The following LGSN variants were observed in gnomAD, a reference collection of about 807,000 sequenced individuals.
The protein encoded by LGSN is lengsin, lens protein with glutamine synthetase domain, also known as lengsin.
Under a neutral mutation model 19.5 loss-of-function variants are expected in LGSN, and 21 were observed. The observed-to-expected ratio is 1.07, with a 90% CI of 0.76 to 1.55. The LOEUF (loss-of-function observed/expected upper bound fraction) is 1.55. LGSN is among the 40% of genes most tolerant of loss of function. The probability of loss-of-function intolerance (pLI) is 0.00; values close to 1 mark genes in which losing one functional copy is unlikely to be tolerated. For missense variants in LGSN, 673 were observed against 608.5 expected (o/e 1.11, Z -1.12); for synonymous variants, 257 against 215.6 (o/e 1.19, Z -1.68).
At chr6:63,478,639 T>C in the LGSN span, among the ~76,000 whole-genome samples, 1 of 152,210 alleles carries the variant, frequency 6.6e-6, no homozygotes, top group South Asian at 2.1e-4. Context: ...ACCACCCCCA[T>C]GTACGGCTCA....
At chr6:63,394,136 C>T in the LGSN span, among the ~76,000 whole-genome samples, 4 of 152,026 alleles carry the variant, frequency 2.6e-5, no homozygotes, top group South Asian at 2.1e-4. Context: ...GCGTGGTGGG[C>T]GACTGTAATC....
At chr6:63,556,394 T>G in the LGSN span, among the ~76,000 whole-genome samples, 4 of 152,088 alleles carry the variant, frequency 2.6e-5, no homozygotes, top group Non-Finnish European at 5.9e-5. Flanking sequence ...TTGCCCAGGC[T>G]GGTCTCAAGC....
the LGSN span, chr6:63,521,895 A>T: frequency 6.6e-6 from 1 of 152,226 alleles, no homozygotes; most frequent in Non-Finnish European, 1.5e-5. Flanking sequence ...AACAATGGGA[A>T]TCTTATAAAA....
At chr6:63,488,960 G>C in the LGSN span, among the ~76,000 whole-genome samples, 1 of 152,014 alleles carries the variant, frequency 6.6e-6, no homozygotes, top group Non-Finnish European at 1.5e-5. Context: ...TTTCTGGAAA[G>C]TCACTTGAAA....
At position 63,319,965 on chromosome 6, in the gene LGSN, C is replaced by T. The variant is rs1228689744; in HGVS notation, c.-22G>A. ...TCATCTCAACACTTTTTAAGTTCAG[C>T]GTTAGAAACCACAATATCCTCAACA... is the stretch of plus-strand genomic sequence containing the variant. On this transcript the variant is annotated 5_prime_UTR_variant, in exon 1 of 4. Transcript: ENST00000370657. 10 of 1,588,118 alleles carry T rather than the reference C, an allele frequency of 6.3e-6. No individual in the cohort carries two copies. Among genetic ancestry groups the T allele is most frequent in the Middle Eastern group, 3.3e-4 (2 of 6,008 alleles).
At chr6:63,284,712 T>C (rs1399075677) in intron 3 of LGSN, among the ~76,000 whole-genome samples, 1 of 152,204 alleles carries the variant, frequency 6.6e-6, no homozygotes, top group Non-Finnish European at 1.5e-5. Context: ...ACAACATGTA[T>C]TCTTGCCTGA....
chr6:63,294,723 G>C (rs1197011422), intron 2 of LGSN, among the ~76,000 whole-genome samples, 190 bp downstream of exon 2: 2 of 150,362 alleles, frequency 1.3e-5, no homozygotes, highest in African/African-American at 4.9e-5. Flanking sequence ...TAAATATTTT[G>C]ATTGGTTATT....
the LGSN span, among the ~76,000 whole-genome samples, chr6:63,473,197 G>A: frequency 2.6e-5 from 4 of 151,986 alleles, no homozygotes; most frequent in South Asian, 4.2e-4. Flanking sequence ...AGTAGGCCAG[G>A]CGCAGTGGCT....
the LGSN span, among the ~76,000 whole-genome samples, chr6:63,433,526 T>A: frequency 6.6e-6 from 1 of 152,306 alleles, no homozygotes; most frequent in South Asian, 2.1e-4. Flanking sequence ...ATCTTTCTCA[T>A]TGAATATCTG....
chr6:63,519,095 G>A, the LGSN span, among the ~76,000 whole-genome samples: 47 of 152,234 alleles, frequency 3.1e-4, no homozygotes, highest in African/African-American at 1.1e-3. Flanking sequence ...CGGGCAGATC[G>A]CCTGAAGTTC....
At chr6:63,291,642 T>G (rs1011368800) in intron 2 of LGSN, among the ~76,000 whole-genome samples, 1 of 152,138 alleles carries the variant, frequency 6.6e-6, no homozygotes, top group South Asian at 2.1e-4. Flanking sequence ...AGGCAACATT[T>G]TGGAACAAAA....
At chr6:63,458,146 C>G in the LGSN span, among the ~76,000 whole-genome samples, 1 of 152,104 alleles carries the variant, frequency 6.6e-6, no homozygotes, top group African/African-American at 2.4e-5. Context: ...CAGCTCACTG[C>G]AGCCTCCACC....
chr6:63,345,278 C>T, the LGSN span, among the ~76,000 whole-genome samples: 2 of 151,924 alleles, frequency 1.3e-5, no homozygotes, highest in Non-Finnish European at 2.9e-5. Context: ...TTTTTTATTT[C>T]TTCTCTTTTA....
chr6:63,564,347 G>A, the LGSN span, among the ~76,000 whole-genome samples: 1 of 151,758 alleles, frequency 6.6e-6, no homozygotes, highest in South Asian at 2.1e-4. Context: ...GTATCTTCCA[G>A]CCATGAATGG....
At chr6:63,529,129 ATGTG>A in the LGSN span, among the ~76,000 whole-genome samples, 2 of 136,228 alleles carry the variant, frequency 1.5e-5, no homozygotes, top group Non-Finnish European at 3.1e-5. Flanking sequence ...ATGTATATAT[ATGTG>A]TGTGTATATA....
the LGSN span, among the ~76,000 whole-genome samples, chr6:63,341,512 G>C: frequency 6.6e-6 from 1 of 152,160 alleles, no homozygotes; most frequent in Non-Finnish European, 1.5e-5. Flanking sequence ...GCCCCAGGAA[G>C]GTAGCTCCCA....
chr6:63,552,249 A>G, the LGSN span, among the ~76,000 whole-genome samples: 2 of 152,076 alleles, frequency 1.3e-5, no homozygotes, highest in South Asian at 4.1e-4. Flanking sequence ...ATGGTATCTC[A>G]TTGTGGTTTT....
the LGSN span, among the ~76,000 whole-genome samples, chr6:63,512,017 G>A: frequency 2.0e-5 from 3 of 152,058 alleles, no homozygotes; most frequent in Non-Finnish European, 4.4e-5. Context: ...AAGTATGGAG[G>A]TAGTTCTGCT....
the LGSN span, among the ~76,000 whole-genome samples, chr6:63,566,213 A>G: frequency 6.6e-6 from 1 of 152,242 alleles, no homozygotes; most frequent in Non-Finnish European, 1.5e-5. Context: ...GATTTCAAAG[A>G]AAGCAGCTCT....
Sources: allele counts gnomAD v4.1 joint callset (sites outside exome capture counted in the v4.1 genomes callset), GRCh38; gene constraint gnomAD v4.1.1; transcripts MANE v1.5; gene names NCBI Gene and HGNC (gene_info 2026-07-23, HGNC 2026-07-21).